Variants in CCSER1 observed in about 807,000 individuals in gnomAD.
CCSER1 encodes serine-rich coiled-coil domain-containing protein 1.
In CCSER1, 41 loss-of-function variants were observed where a neutral mutation model predicts 82.0. The observed-to-expected ratio is 0.50, with a 90% CI of 0.39 to 0.65. The LOEUF is 0.65. Ranked by LOEUF, CCSER1 falls within the 30% of genes least tolerant of loss-of-function variation. The probability of loss-of-function intolerance (pLI) is 0.00; values close to 1 mark genes in which losing one functional copy is unlikely to be tolerated. For missense variants in CCSER1, 1,119 were observed against 1,064.2 expected, an observed-to-expected ratio of 1.05 and a Z score of -0.72; for synonymous variants, 414 against 383.9, an observed-to-expected ratio of 1.08 and a Z score of -0.92.
At chr4:90,933,022 A>G (rs1375976847) in intron 9 of CCSER1, among the ~76,000 whole-genome samples, 1 of 95,512 alleles carries the variant, frequency 1.0e-5, no homozygotes, top group African/African-American at 5.5e-5. Context: ...GAAAGAAAGA[A>G]AGAAAGAAAG....
In CCSER1 at chr4:90,847,624, T is replaced by G. The variant is rs549692513; in HGVS notation, c.2094+31779T>G. Among the ~76,000 whole-genome samples the G allele has an allele frequency of 1.2e-3, 181 of 152,290 alleles. 1 individual carries two copies. Among genetic ancestry groups the G allele is most frequent in the African/African-American group, 4.1e-3 (169 of 41,562 alleles). On this transcript the variant is annotated intron_variant, in intron 8 of 10. Transcript: ENST00000509176. ...CTTTGTTATCAATATTTCCTTTAAC[T>G]TTCTTAGGTTGTCAGATTTTAAACG...
At chr4:90,918,504 G>T (rs1727859612) in intron 8 of CCSER1, among the ~76,000 whole-genome samples, 1 of 151,840 alleles carries the variant, frequency 6.6e-6, no homozygotes, top group South Asian at 2.1e-4. Flanking sequence ...CTTTGTCTTG[G>T]TTTTGATTTC....
intron 6 of CCSER1, among the ~76,000 whole-genome samples, chr4:90,705,742 C>G (rs183944688): frequency 3.3e-5 from 5 of 152,304 alleles, no homozygotes; most frequent in African/African-American, 9.6e-5. Context: ...TAGCAATGAG[C>G]GAGGCTCCAT....
rs1200205371 is a variant in CCSER1, at chr4:90,236,137, C to T, written c.-41-72107C>T. Among the ~76,000 whole-genome samples, 3 of 152,064 alleles carry T rather than the reference C, an allele frequency of 2.0e-5. No homozygotes were observed. The South Asian group carries it at 6.2e-4, about 32-fold the overall frequency. On this transcript the variant is annotated intron_variant, in intron 1 of 10. Transcript: ENST00000509176. The stretch of plus-strand genomic sequence containing the variant: ...TTTAATTTTTTGTAGAGATGTTGCT[C>T]ACGCTGCTCTTGAACTCTTGAGCTC...
chr4:90,587,419 G>C (rs1441889528), intron 5 of CCSER1, among the ~76,000 whole-genome samples: 1 of 152,146 alleles, frequency 6.6e-6, no homozygotes, highest in Non-Finnish European at 1.5e-5. Context: ...AGTCCAATCA[G>C]GTCAACCTGG....
chr4:90,184,906 A>G (rs1452350948), intron 1 of CCSER1, among the ~76,000 whole-genome samples: 1 of 152,072 alleles, frequency 6.6e-6, no homozygotes, highest in East Asian at 1.9e-4. Flanking sequence ...TAGATTTTCT[A>G]CATAGTTGGA....
intron 6 of CCSER1, among the ~76,000 whole-genome samples, chr4:90,658,206 T>G (rs899494250): frequency 1.2e-4 from 19 of 152,168 alleles, no homozygotes; most frequent in African/African-American, 4.1e-4. Context: ...ATTTATTTGA[T>G]TCCATCTCCT....
intron 3 of CCSER1, among the ~76,000 whole-genome samples, chr4:90,342,008 G>A (rs1741463923): frequency 1.3e-5 from 2 of 152,080 alleles, no homozygotes; most frequent in South Asian, 4.1e-4. Context: ...ACCTCCCCTT[G>A]AGGTACCGAA....
At chr4:90,619,376 C>T (rs1721887822) in intron 5 of CCSER1, among the ~76,000 whole-genome samples, 1 of 151,822 alleles carries the variant, frequency 6.6e-6, no homozygotes, top group Non-Finnish European at 1.5e-5. Flanking sequence ...TAAAAGTGTT[C>T]CAACACAGCA....
intron 5 of CCSER1, among the ~76,000 whole-genome samples, chr4:90,566,604 T>G (rs1245311624): frequency 9.9e-6 from 1 of 100,970 alleles, no homozygotes; most frequent in Non-Finnish European, 1.7e-5. Context: ...CACAATTACC[T>G]TTTTTTTTTT....
At chr4:90,341,318 T>C (rs1441864741) in intron 3 of CCSER1, among the ~76,000 whole-genome samples, 4 of 152,088 alleles carry the variant, frequency 2.6e-5, no homozygotes, top group Non-Finnish European at 5.9e-5. Flanking sequence ...AGATGAAAAA[T>C]ATCTCTTCTT....
At chr4:90,891,933 A>G (rs1723019551) in intron 8 of CCSER1, among the ~76,000 whole-genome samples, 1 of 152,094 alleles carries the variant, frequency 6.6e-6, no homozygotes, top group East Asian at 1.9e-4. Context: ...AACAAGATCT[A>G]TACTGGAGAG....
At chr4:90,363,285 TAAA>T (rs1745699280) in intron 3 of CCSER1, among the ~76,000 whole-genome samples, 1 of 152,192 alleles carries the variant, frequency 6.6e-6, no homozygotes, top group Non-Finnish European at 1.5e-5. Flanking sequence ...GTTGCCTTCT[TAAA>T]ATAAATAGTA....
At chr4:91,534,071 A>C (rs762883431) in intron 10 of CCSER1, among the ~76,000 whole-genome samples, 1 of 152,078 alleles carries the variant, frequency 6.6e-6, no homozygotes, top group Non-Finnish European at 1.5e-5. Flanking sequence ...TATCTCTAGG[A>C]TTAAGACTAA....
chr4:91,214,761 A>G (rs772530872), intron 10 of CCSER1, among the ~76,000 whole-genome samples: 15 of 152,186 alleles, frequency 9.9e-5, no homozygotes, highest in Admixed American at 3.9e-4. Context: ...ACCACTTGCT[A>G]TAACAAGGGC....
At chr4:91,145,647 T>G (rs1282998866) in intron 10 of CCSER1, among the ~76,000 whole-genome samples, 1 of 152,116 alleles carries the variant, frequency 6.6e-6, no homozygotes, top group Non-Finnish European at 1.5e-5. Context: ...GCTTGTATAG[T>G]GGTAATAGAC....
chr4:91,345,778 T>G (rs2149292896), intron 10 of CCSER1, among the ~76,000 whole-genome samples: 1 of 152,284 alleles, frequency 6.6e-6, no homozygotes, highest in South Asian at 2.1e-4. Flanking sequence ...TTTACTCTCA[T>G]CAGAGTATTA....
At chr4:91,373,831 C>T (rs898671331) in intron 10 of CCSER1, among the ~76,000 whole-genome samples, 4 of 152,218 alleles carry the variant, frequency 2.6e-5, no homozygotes, top group Admixed American at 2.0e-4. Flanking sequence ...TCAAAGGAAA[C>T]GTTCTTAGAG....
chr4:90,201,219 A>G (rs1175398651), intron 1 of CCSER1, among the ~76,000 whole-genome samples: 4 of 152,188 alleles, frequency 2.6e-5, no homozygotes, highest in Non-Finnish European at 5.9e-5. Flanking sequence ...ATTAAAATAA[A>G]TAATTCAGTT....
Sources: allele counts gnomAD v4.1 joint callset (sites outside exome capture counted in the v4.1 genomes callset), GRCh38; gene constraint gnomAD v4.1.1; transcripts MANE v1.5; gene names NCBI Gene and HGNC (gene_info 2026-07-23, HGNC 2026-07-21).